Variants in PRIM1 observed in about 807,000 individuals in gnomAD.
PRIM1 encodes the protein DNA primase subunit 1, also known as DNA primase small subunit.
Under a neutral mutation model 60.2 loss-of-function variants are expected in PRIM1, and 38 were observed. The observed-to-expected ratio is 0.63, with a 90% CI of 0.49 to 0.83. The LOEUF (loss-of-function observed/expected upper bound fraction) is 0.83, where lower values mean the gene tolerates loss of function less well. PRIM1 is among the 40% of genes least tolerant of loss of function. PRIM1 has a pLI of 0.00. For missense variants in PRIM1, 388 were observed against 506.2 expected, an observed-to-expected ratio of 0.77 and a Z score of 2.24; for synonymous variants, 158 against 160.2, an observed-to-expected ratio of 0.99 and a Z score of 0.10.
At chr12:56,746,713 TA>T in intron 4 of PRIM1, 67 bp downstream of exon 4, 1 of 1,308,198 alleles carries the variant, frequency 7.6e-7, no homozygotes, top group Non-Finnish European at 1.1e-6. Context: ...CAGAGACTAA[TA>T]GTTAATAGTA....
chr12:56,738,311 A>G (rs943241250), intron 11 of PRIM1, 123 bp downstream of exon 11: 1 of 1,318,890 alleles, frequency 7.6e-7, no homozygotes, highest in Non-Finnish European at 1.0e-6. Flanking sequence ...CAAACATTGT[A>G]TGCAGTTCCA....
chr12:56,739,725 G>A (rs1443677270), intron 9 of PRIM1, among the ~76,000 whole-genome samples: 1 of 152,112 alleles, frequency 6.6e-6, no homozygotes, highest in Non-Finnish European at 1.5e-5. Flanking sequence ...AATTTTTGTT[G>A]AGTTGGGGTC....
At chr12:56,745,544 A>G (rs553847875) in intron 5 of PRIM1, among the ~76,000 whole-genome samples, 1 of 152,224 alleles carries the variant, frequency 6.6e-6, no homozygotes, top group Non-Finnish European at 1.5e-5. Context: ...AAAGCAAGAT[A>G]TTTATAGCAA....
chr12:56,739,401 C>T (rs1182109075), intron 9 of PRIM1, 38 bp from the exon 10 acceptor site: 1 of 1,383,598 alleles, frequency 7.2e-7, no homozygotes, highest in South Asian at 1.4e-5. Context: ...TGATTGTGGA[C>T]TATAAATCAT....
intron 12 of PRIM1, 22 bp downstream of exon 12, chr12:56,734,125 A>C (rs527878754): frequency 1.3e-6 from 2 of 1,494,430 alleles, no homozygotes; most frequent in African/African-American, 2.8e-5. Flanking sequence ...ACTAGATAGA[A>C]GGGAAAGGCA....
chr12:56,738,753 T>C (rs1246693084), intron 10 of PRIM1, among the ~76,000 whole-genome samples: 1 of 152,192 alleles, frequency 6.6e-6, no homozygotes, highest in East Asian at 1.9e-4. Flanking sequence ...GGTTTCACCA[T>C]GTTGGCCAGG....
In PRIM1 at chr12:56,741,731, T is replaced by C; in HGVS notation, c.840+15A>G. On this transcript the variant is annotated intron_variant, in intron 8 of 12. Coordinates refer to ENST00000338193, the MANE Select transcript of PRIM1 (RefSeq NM_000946.3). Reference sequence around the variant, plus strand: ...GCATTATTATATCTGTAATACAGATTTCAGTGGCATATACCTGATATCTGC... The same window carrying C: ...GCATTATTATATCTGTAATACAGATCTCAGTGGCATATACCTGATATCTGC... 6.2e-7 allele frequency: 1 copy of C among 1,606,794 alleles called. No individual in the cohort carries two copies. The highest frequency in any genetic ancestry group is 8.5e-7 in the Non-Finnish European group (1 of 1,174,038).
chr12:56,734,361 AACAT>A (rs1207376059), intron 11 of PRIM1, 116 bp from the exon 12 acceptor site: 9 of 603,774 alleles, frequency 1.5e-5, no homozygotes, highest in Non-Finnish European at 2.6e-5. Flanking sequence ...ATATGAGAGA[AACAT>A]ACATACTTTT....
intron 10 of PRIM1, 27 bp downstream of exon 10, chr12:56,739,267 A>C (rs1217447831): frequency 6.8e-7 from 1 of 1,469,620 alleles, no homozygotes; most frequent in Non-Finnish European, 9.3e-7. Context: ...ATTACAAACA[A>C]GGAGTGATCA....
intron 9 of PRIM1, among the ~76,000 whole-genome samples, chr12:56,740,251 G>A (rs1005008483): frequency 1.3e-5 from 2 of 152,192 alleles, no homozygotes; most frequent in South Asian, 2.1e-4. Context: ...TAGAAATAAA[G>A]TATATTTAAA....
intron 9 of PRIM1, among the ~76,000 whole-genome samples, 164 bp from the exon 10 acceptor site, chr12:56,739,527 C>A (rs1229908855): frequency 2.6e-5 from 4 of 152,182 alleles, no homozygotes; most frequent in Admixed American, 2.0e-4. Flanking sequence ...TTCACATTAG[C>A]TGTGCCCTTA....
chr12:56,743,103 GAAC>G lies in PRIM1; in HGVS notation c.639-10_639-8del, dbSNP rs1565906180. 1 of 1,515,518 alleles carries G rather than the reference GAAC, an allele frequency of 6.6e-7. No individual in the cohort carries two copies. Among genetic ancestry groups the G allele is most frequent in the Non-Finnish European group, 8.8e-7 (1 of 1,136,362 alleles). 93.9% of individuals were successfully genotyped at this position (1,515,518 alleles called of 1,614,324 possible). ...TATTATGTTTATAGATTTTCTGTAAGAACAACAATAACAACAGAGTCCCAACAC... is the reference window on the plus strand; with the variant it reads ...TATTATGTTTATAGATTTTCTGTAAGAACAATAACAACAGAGTCCCAACAC... On this transcript the variant is annotated splice_polypyrimidine_tract_variant and splice_region_variant and intron_variant, in intron 6 of 12. Coordinates refer to ENST00000338193, the MANE Select transcript of PRIM1 (RefSeq NM_000946.3).
At chr12:56,748,031 A>G (rs895134362) in intron 2 of PRIM1, among the ~76,000 whole-genome samples, 1 of 152,240 alleles carries the variant, frequency 6.6e-6, no homozygotes, top group Admixed American at 6.5e-5. Flanking sequence ...GGATTGGTTC[A>G]AAGCATAGTT....
Position 56,743,087 on chromosome 12 carries a change from T to C in PRIM1, c.648A>G (p.Ile216Met). 1 of 1,520,584 alleles carries C rather than the reference T, an allele frequency of 6.6e-7. No homozygotes were observed. Among genetic ancestry groups the C allele is most frequent in the Non-Finnish European group, 8.8e-7 (1 of 1,138,258 alleles). The allele number at this position is 1,520,584 out of a possible 1,614,324, so 94.2% of individuals were successfully genotyped here. A position where few individuals can be genotyped will look rare whatever the true frequency, so the allele number is the denominator to read the frequency against. Residue 216 changes from isoleucine to methionine, a missense_variant, in exon 7 of 13, where the codon ATA becomes ATG. Transcript: ENST00000338193. Reference protein sequence around the residue: ...EKIHPFIRKSINIIKKYFEEY... With the variant: ...EKIHPFIRKSMNIIKKYFEEY... ...CTTCAAAGTATTTTTTTATTATGTT[T>C]ATAGATTTTCTGTAAGAACAACAAT...
intron 2 of PRIM1, among the ~76,000 whole-genome samples, chr12:56,748,139 G>C (rs11833209): frequency 0.078 from 11,871 of 152,210 alleles, 1,013 homozygotes; most frequent in African/African-American, 0.21. Flanking sequence ...TTATTTTCCA[G>C]AGAGCATAAA....
At chr12:56,750,592 CTTT>C (rs758888858) in intron 2 of PRIM1, among the ~76,000 whole-genome samples, 2 of 143,250 alleles carry the variant, frequency 1.4e-5, no homozygotes, top group African/African-American at 2.5e-5. Flanking sequence ...TTATTTCCCT[CTTT>C]TTTTTTTTTT....
At chr12:56,735,998 A>C (rs948722501) in intron 11 of PRIM1, among the ~76,000 whole-genome samples, 1 of 151,904 alleles carries the variant, frequency 6.6e-6, no homozygotes, top group Non-Finnish European at 1.5e-5. Flanking sequence ...AAATGTATAC[A>C]ACAAAAAATT....
chr12:56,734,584 G>A (rs957994306), intron 11 of PRIM1, among the ~76,000 whole-genome samples: 1 of 147,384 alleles, frequency 6.8e-6, no homozygotes, highest in Non-Finnish European at 1.5e-5. Context: ...TTTTTTTTTG[G>A]TATTTGTAGA....
intron 2 of PRIM1, among the ~76,000 whole-genome samples, chr12:56,750,747 G>A (rs556372340): frequency 2.2e-4 from 34 of 151,926 alleles, no homozygotes; most frequent in Non-Finnish European, 2.9e-4. Flanking sequence ...GTACCACCAC[G>A]CCCGGCTAAT....
Sources: allele counts gnomAD v4.1 joint callset (sites outside exome capture counted in the v4.1 genomes callset), GRCh38; gene constraint gnomAD v4.1.1; transcripts MANE v1.5; gene names NCBI Gene and HGNC (gene_info 2026-07-23, HGNC 2026-07-21).